RSF1: variants seen among roughly 807,000 people sequenced by gnomAD.
The protein encoded by RSF1 is remodeling and spacing factor 1, also known as HBV pX-associated protein 8.
RSF1 carries 13 observed loss-of-function variants against 145.2 expected under a neutral mutation model. That is an observed-to-expected ratio of 0.09 (90% CI 0.06 to 0.14). The LOEUF is 0.14. Ranked by LOEUF, RSF1 falls within the 10% of genes least tolerant of loss-of-function variation. The pLI is 1.00. For missense variants in RSF1, 1,517 were observed against 1,718.2 expected, an observed-to-expected ratio of 0.88 and a Z score of 2.07; for synonymous variants, 577 against 592.6, an observed-to-expected ratio of 0.97 and a Z score of 0.38.
intron 1 of RSF1, among the ~76,000 whole-genome samples, chr11:77,820,172 C>A (rs1358873110): frequency 1.3e-5 from 2 of 152,180 alleles, no homozygotes; most frequent in Non-Finnish European, 2.9e-5. Context: ...CGCTCCCCTT[C>A]CCCCGCCGCC....
Position 77,692,233 on chromosome 11 carries a change from ATTTTTTTTT to A in RSF1, c.2821-1004_2821-996del, listed in dbSNP as rs71046904. 1.0e-2 allele frequency among the ~76,000 whole-genome samples: 493 copies of A among 49,482 alleles called. 32 individuals carry two copies. Among genetic ancestry groups the A allele is most frequent in the East Asian group, 0.085 (133 of 1,572 alleles). 32.5% of individuals were successfully genotyped at this position (49,482 alleles called of 152,430 possible). On this transcript the variant is annotated intron_variant, in intron 8 of 15. Transcript: ENST00000308488. ...AAAAAATAATTATTACTACTTTTAAATTTTTTTTTTTTTTTTTTTTTTTTTTTTTGAGAC... is the reference window on the plus strand; with the variant it reads ...AAAAAATAATTATTACTACTTTTAAATTTTTTTTTTTTTTTTTTTTGAGAC...
rs936114868 is a variant in RSF1, at chr11:77,700,912, G to A, written c.2317C>T (p.Arg773Cys). ...ATTCTTGGAGATCTTCTTAAAGTAC[G>A]ACCCACATTTGTTTTCTCCTCTTCC... ...EKEEEKTNVG[R>C]TLRRSPRISR... The change falls in exon 6 of 16, where the codon CGT becomes TGT. Residue 773 changes from arginine to cysteine, a missense_variant. By Grantham distance (180) the Arg-to-Cys change is radical (BLOSUM62 -3). Coordinates refer to ENST00000308488, the MANE Select transcript of RSF1 (RefSeq NM_016578.4). 8 of 1,613,496 alleles carry A rather than the reference G, an allele frequency of 5.0e-6. No individual in the cohort carries two copies. Among genetic ancestry groups the A allele is most frequent in the East Asian group, 2.2e-5 (1 of 44,874 alleles).
intron 4 of RSF1, among the ~76,000 whole-genome samples, chr11:77,730,185 G>T (rs1363354007): frequency 1.3e-5 from 2 of 152,102 alleles, no homozygotes; most frequent in Non-Finnish European, 2.9e-5. Flanking sequence ...AATTTAGCAA[G>T]ACTGAATTTT....
the RSF1 span, among the ~76,000 whole-genome samples, chr11:77,857,850 C>T: frequency 6.6e-6 from 1 of 152,040 alleles, no homozygotes; most frequent in African/African-American, 2.4e-5. Context: ...GTGCGCACCA[C>T]CATGCCCTGC....
chr11:77,836,614 A>G, the RSF1 span, among the ~76,000 whole-genome samples: 1 of 152,158 alleles, frequency 6.6e-6, no homozygotes, highest in African/African-American at 2.4e-5. Flanking sequence ...TCCTCAAAAC[A>G]TACTCGTTAT....
At chr11:77,698,795 C>CA (rs1337275976) in intron 6 of RSF1, 102 bp from the exon 7 acceptor site, 2 of 938,852 alleles carry the variant, frequency 2.1e-6, no homozygotes, top group South Asian at 1.6e-5. Flanking sequence ...GCCAATATAC[C>CA]AAAAAAAGAG....
At position 77,819,524 on chromosome 11, in the gene RSF1, A is replaced by C. The variant is rs554408455; in HGVS notation, c.187+1004T>G. On this transcript the variant is annotated intron_variant, in intron 1 of 15. Transcript: ENST00000308488. ...CGCCCTGCACCCGCGCGGTGGCCTT[A>C]TGTGGAAGGAGCACCACTTGCGAAC... 2.0e-4 allele frequency among the ~76,000 whole-genome samples: 30 copies of C among 152,316 alleles called. No individual in the cohort carries two copies. In the East Asian group the frequency reaches 5.4e-3, roughly 27 times the overall value.
Position 77,757,662 on chromosome 11 carries a change from G to A in RSF1, c.279+6936C>T, listed in dbSNP as rs533480002. 5.9e-5 allele frequency among the ~76,000 whole-genome samples: 9 copies of A among 152,120 alleles called. No homozygotes were observed. In the South Asian group the frequency reaches 1.7e-3, roughly 28 times the overall value. ...CACTGCACTCCAACCTGGCGACAGA[G>A]CGAAACTCCGTCTCAAAAAAAGAAG... On this transcript the variant is annotated intron_variant, in intron 2 of 15. Coordinates refer to ENST00000308488, the MANE Select transcript of RSF1 (RefSeq NM_016578.4).
intron 1 of RSF1, among the ~76,000 whole-genome samples, chr11:77,789,433 G>C (rs1948493566): frequency 6.6e-6 from 1 of 152,234 alleles, no homozygotes; most frequent in African/African-American, 2.4e-5. Context: ...TGAGACTCAA[G>C]TGATGCATGG....
At chr11:77,734,012 G>A (rs1421429551) in intron 4 of RSF1, among the ~76,000 whole-genome samples, 1 of 151,850 alleles carries the variant, frequency 6.6e-6, no homozygotes, top group Non-Finnish European at 1.5e-5. Context: ...ATGCTTTTGT[G>A]GCAATTCTGT....
At chr11:77,855,267 C>T in the RSF1 span, 1 of 152,226 alleles carries the variant, frequency 6.6e-6, no homozygotes, top group Non-Finnish European at 1.5e-5. Flanking sequence ...CTCCTCTTTA[C>T]ATATGCAAAT....
chr11:77,672,093 T>C lies in RSF1; in HGVS notation c.3700A>G (p.Lys1234Glu), dbSNP rs1484897864. Residue 1234 changes from lysine (K) to glutamate (E), a missense_variant, in exon 15 of 16, where the codon AAA becomes GAA. Transcript: ENST00000308488. ...CGCTTGTGTACTCGCCTTATTTCTT[T>C]ACCACGTCGCAAACTCTTCTGGGAA... ...DGSQKSLRRG[K>E]EIRRVHKRRL... 3.1e-6 allele frequency: 5 copies of C among 1,614,098 alleles called. No individual in the cohort carries two copies. The highest frequency in any genetic ancestry group is 3.3e-5 in the Admixed American group (2 of 60,002).
the RSF1 span, among the ~76,000 whole-genome samples, chr11:77,837,517 C>CG: frequency 6.6e-6 from 1 of 152,022 alleles, no homozygotes; most frequent in East Asian, 1.9e-4. Flanking sequence ...TGCAGTGGTG[C>CG]GATCTTGGCT....
intron 5 of RSF1, among the ~76,000 whole-genome samples, chr11:77,707,867 T>C (rs1960589538): frequency 6.6e-6 from 1 of 152,234 alleles, no homozygotes; most frequent in South Asian, 2.1e-4. Flanking sequence ...AAAACTCATT[T>C]TTCATGTAAT....
intron 1 of RSF1, among the ~76,000 whole-genome samples, chr11:77,785,106 A>G (rs1328055535): frequency 6.6e-6 from 1 of 152,130 alleles, no homozygotes; most frequent in African/African-American, 2.4e-5. Context: ...CAGGCAGGAA[A>G]CCCTGGTAGT....
chr11:77,759,182 A>G (rs1843067200), intron 2 of RSF1, among the ~76,000 whole-genome samples: 1 of 152,206 alleles, frequency 6.6e-6, no homozygotes, highest in Admixed American at 6.5e-5. Context: ...ACAAATAAGT[A>G]TTTTATACTA....
intron 9 of RSF1, among the ~76,000 whole-genome samples, chr11:77,689,609 T>C (rs1960097466): frequency 6.6e-6 from 1 of 152,240 alleles, no homozygotes; most frequent in Admixed American, 6.5e-5. Flanking sequence ...CATTTTATCA[T>C]ATCATTGGTT....
chr11:77,853,306 G>A, the RSF1 span, among the ~76,000 whole-genome samples: 7 of 152,270 alleles, frequency 4.6e-5, no homozygotes, highest in Non-Finnish European at 4.4e-5. Flanking sequence ...ATTGGCTCAG[G>A]TTTCCATAGG....
At chr11:77,836,414 G>C in the RSF1 span, among the ~76,000 whole-genome samples, 3 of 152,036 alleles carry the variant, frequency 2.0e-5, no homozygotes, top group African/African-American at 7.2e-5. Flanking sequence ...AGCAGAAAAA[G>C]CCATGTGAGA....
Sources: gnomAD v4.1 joint callset for allele counts (sites outside exome capture counted in the v4.1 genomes callset) on GRCh38, gnomAD v4.1.1 for gene constraint, MANE v1.5 for transcripts, NCBI Gene and HGNC (gene_info 2026-07-23, HGNC 2026-07-21) for gene names.